The following TLN2 variants were observed in gnomAD, a reference collection of about 807,000 sequenced individuals.
The protein encoded by TLN2 is talin-2.
A neutral mutation model predicts 294.7 loss-of-function variants in TLN2; 118 were observed. The ratio of observed to expected loss-of-function variants is 0.40; its 90% CI spans 0.34 to 0.47. The LOEUF is 0.47. TLN2 is among the 20% of genes least tolerant of loss of function. The pLI is 0.84. For synonymous variants in TLN2, 1,431 were observed against 1,304.5 expected, an observed-to-expected ratio of 1.10 and a Z score of -2.09; for missense variants, 3,083 against 3,282.2, an observed-to-expected ratio of 0.94 and a Z score of 1.48.
intron 1 of TLN2, among the ~76,000 whole-genome samples, chr15:62,488,318 G>C (rs1002906490): frequency 5.9e-5 from 9 of 152,198 alleles, no homozygotes; most frequent in African/African-American, 1.7e-4. Context: ...AAGGAGTACA[G>C]ATACTGGTGG....
intron 1 of TLN2, among the ~76,000 whole-genome samples, chr15:62,473,318 G>A (rs1595886687): frequency 6.6e-6 from 1 of 151,908 alleles, no homozygotes; most frequent in Admixed American, 6.5e-5. Flanking sequence ...ATAATGCTTG[G>A]AGGTCCCTGT....
intron 1 of TLN2, among the ~76,000 whole-genome samples, chr15:62,585,661 T>C (rs1369958697): frequency 6.6e-6 from 1 of 152,212 alleles, no homozygotes; most frequent in Non-Finnish European, 1.5e-5. Flanking sequence ...AAATGATTTA[T>C]TGTATGTTAC....
At chr15:62,454,780 A>T (rs2140327342) in intron 1 of TLN2, among the ~76,000 whole-genome samples, 1 of 152,276 alleles carries the variant, frequency 6.6e-6, no homozygotes, top group Admixed American at 6.5e-5. Flanking sequence ...GGCTTCTTTC[A>T]TTCGGCCCTT....
intron 1 of TLN2, among the ~76,000 whole-genome samples, chr15:62,577,969 T>C (rs1390607883): frequency 4.6e-5 from 7 of 152,200 alleles, no homozygotes; most frequent in African/African-American, 1.7e-4. Flanking sequence ...TTGTGATAGT[T>C]TGCTGAGAAT....
rs115228487 is a variant in TLN2 at position 62,699,334 on chromosome 15, C to T, written c.1587+467C>T. On this transcript the variant is annotated intron_variant, in intron 16 of 58. Transcript: ENST00000636159. Reference sequence around the variant, plus strand: ...GTGGTTCTCAAGCTGTAGCATCCATCAGCATCATCCGAAGGGCCTGTTAAA... The same window carrying T: ...GTGGTTCTCAAGCTGTAGCATCCATTAGCATCATCCGAAGGGCCTGTTAAA... 4.3e-3 allele frequency among the ~76,000 whole-genome samples: 658 copies of T among 152,106 alleles called. 8 individuals carry two copies. The highest frequency in any genetic ancestry group is 0.014 in the African/African-American group (567 of 41,490).
intron 1 of TLN2, among the ~76,000 whole-genome samples, chr15:62,539,052 A>C (rs1237774383): frequency 6.6e-6 from 1 of 152,126 alleles, no homozygotes; most frequent in African/African-American, 2.4e-5. Flanking sequence ...ATGGAGTCTA[A>C]ATTTCAGGGC....
intron 2 of TLN2, among the ~76,000 whole-genome samples, chr15:62,590,237 A>G (rs1447063032): frequency 6.6e-6 from 1 of 152,008 alleles, no homozygotes; most frequent in African/African-American, 2.4e-5. Context: ...AGTTCATTGT[A>G]CAGATTATTT....
chr15:62,665,260 A>C (rs1339044295), intron 9 of TLN2, among the ~76,000 whole-genome samples: 1 of 152,024 alleles, frequency 6.6e-6, no homozygotes, highest in Non-Finnish European at 1.5e-5. Flanking sequence ...TTGATGCCCA[A>C]GCTGGTCTCG....
At chr15:62,712,142 T>C (rs2141131719) in intron 22 of TLN2, 65 bp downstream of exon 22, 1 of 1,565,952 alleles carries the variant, frequency 6.4e-7, no homozygotes, top group Non-Finnish European at 8.7e-7. Context: ...TGGAAGGTAC[T>C]TTCCAGATGG....
chr15:62,828,220 C>T (rs1596157131), intron 54 of TLN2: 2 of 152,478 alleles, frequency 1.3e-5, no homozygotes, highest in East Asian at 3.9e-4. Flanking sequence ...AGGTCAACTA[C>T]AGGGTACTCA....
intron 3 of TLN2, among the ~76,000 whole-genome samples, chr15:62,632,482 C>T (rs965578513): frequency 3.3e-5 from 5 of 152,140 alleles, no homozygotes; most frequent in Admixed American, 2.0e-4. Flanking sequence ...CTGTCCTCCC[C>T]GAGCCCTGTG....
chr15:62,661,643 A>C (rs1029017775), intron 9 of TLN2, among the ~76,000 whole-genome samples: 2 of 152,156 alleles, frequency 1.3e-5, no homozygotes, highest in African/African-American at 4.8e-5. Flanking sequence ...GCAATTAATA[A>C]ACAGAGATTC....
intron 12 of TLN2, among the ~76,000 whole-genome samples, chr15:62,688,674 T>G (rs1472421712): frequency 1.3e-5 from 2 of 152,166 alleles, no homozygotes; most frequent in Non-Finnish European, 2.9e-5. Context: ...TCATGTAATT[T>G]GAAGCTTTGT....
At chr15:62,604,608 C>G (rs1222625959) in intron 2 of TLN2, among the ~76,000 whole-genome samples, 2 of 148,864 alleles carry the variant, frequency 1.3e-5, no homozygotes, top group African/African-American at 4.9e-5. Flanking sequence ...AGAGAGGGAG[C>G]CCAGGTTCAG....
At chr15:62,653,935 C>T (rs186753633) in intron 7 of TLN2, among the ~76,000 whole-genome samples, 167 of 152,146 alleles carry the variant, frequency 1.1e-3, no homozygotes, top group African/African-American at 3.9e-3. Flanking sequence ...GTCTTTCCAT[C>T]TCTTTTTTTG....
At chr15:62,482,742 G>T (rs568259849) in intron 1 of TLN2, among the ~76,000 whole-genome samples, 1 of 151,996 alleles carries the variant, frequency 6.6e-6, no homozygotes, top group East Asian at 1.9e-4. Context: ...AAAAAAAAAT[G>T]GGGTTTCAGA....
intron 2 of TLN2, among the ~76,000 whole-genome samples, chr15:62,600,898 C>T (rs931348516): frequency 4.6e-5 from 7 of 152,014 alleles, no homozygotes; most frequent in Admixed American, 2.0e-4. Context: ...AAAATGTAAA[C>T]GTTATTAATA....
chr15:62,609,659 C>G (rs992990427), intron 2 of TLN2, among the ~76,000 whole-genome samples: 3 of 152,088 alleles, frequency 2.0e-5, no homozygotes, highest in Non-Finnish European at 4.4e-5. Context: ...CTTTTTGCAC[C>G]GCATCATGTG....
chr15:62,418,561 G>A (rs1595759352), intron 1 of TLN2, among the ~76,000 whole-genome samples: 2 of 152,150 alleles, frequency 1.3e-5, no homozygotes, highest in African/African-American at 2.4e-5. Context: ...TCACGTGTCC[G>A]TATGAAGAGA....
Sources: allele counts gnomAD v4.1 joint callset (sites outside exome capture counted in the v4.1 genomes callset), GRCh38; gene constraint gnomAD v4.1.1; transcripts MANE v1.5; gene names NCBI Gene and HGNC (gene_info 2026-07-23, HGNC 2026-07-21).